Variants in MCM8 observed in about 807,000 individuals in gnomAD.
MCM8 encodes the protein minichromosome maintenance 8 homologous recombination repair factor, also known as DNA helicase MCM8.
A neutral mutation model predicts 98.9 loss-of-function variants in MCM8; 85 were observed. That is an observed-to-expected ratio of 0.86 (90% CI 0.72 to 1.03). The LOEUF (loss-of-function observed/expected upper bound fraction) is 1.03. Ranked by LOEUF, MCM8 falls within the 50% of genes least tolerant of loss-of-function variation. The probability of loss-of-function intolerance (pLI) is 0.00; values close to 1 mark genes in which losing one functional copy is unlikely to be tolerated. For missense variants in MCM8, 951 were observed against 997.8 expected (o/e 0.95, Z 0.63); for synonymous variants, 352 against 338.6 (o/e 1.04, Z -0.44).
chr20:5,972,456 A>G lies in MCM8; in HGVS notation c.1254+419A>G, dbSNP rs184026883. 13 of 256,584 alleles carry G rather than the reference A, an allele frequency of 5.1e-5. No homozygotes were observed. The East Asian group carries it at 1.3e-3, about 25-fold the overall frequency. The allele number at this position is 256,584 out of a possible 1,614,324, so 15.9% of individuals were successfully genotyped here. ...GTCCTGGCCTCAAGTGATCCACCCA[A>G]TTTAGCCTCCAAAGTGCTGGGATTA... On this transcript the variant is annotated intron_variant, in intron 11 of 18. Coordinates refer to ENST00000610722, the MANE Select transcript of MCM8 (RefSeq NM_032485.6).
At position 5,997,415 on chromosome 20, in the gene MCM8, G is replaced by A. The variant is rs1313044633; in HGVS notation, c.*3024G>A. The A allele has an allele frequency of 1.3e-5, 2 of 152,164 alleles. No homozygotes were observed. The highest frequency in any genetic ancestry group is 2.9e-5 in the Non-Finnish European group (2 of 68,070). 9.4% of individuals were successfully genotyped at this position (152,164 alleles called of 1,614,324 possible). ...GGCTGGTTTTTAACTCCCGAACTCAGGTGATTGCCTGCCTCGGTCTCCCAA... is the reference window on the plus strand; with the variant it reads ...GGCTGGTTTTTAACTCCCGAACTCAAGTGATTGCCTGCCTCGGTCTCCCAA... On this transcript the variant is annotated 3_prime_UTR_variant, in exon 19 of 19. Coordinates refer to ENST00000610722, the MANE Select transcript of MCM8 (RefSeq NM_032485.6).
chr20:5,960,646 C>T (rs960994617), intron 7 of MCM8, among the ~76,000 whole-genome samples: 6 of 152,090 alleles, frequency 3.9e-5, no homozygotes, highest in African/African-American at 9.7e-5. Flanking sequence ...CTTAAGAAGC[C>T]GTTCTTCGGC....
chr20:5,952,676 T>A (rs2088865079), intron 3 of MCM8, 148 bp downstream of exon 3: 1 of 699,430 alleles, frequency 1.4e-6, no homozygotes, highest in Non-Finnish European at 2.4e-6. Flanking sequence ...ATGTTTATGT[T>A]TCAAAAGCAT....
chr20:5,981,105 A>C (rs1350023708), intron 13 of MCM8, among the ~76,000 whole-genome samples: 1 of 152,198 alleles, frequency 6.6e-6, no homozygotes, highest in Non-Finnish European at 1.5e-5. Context: ...ATACTTCTGC[A>C]CATTTGCAGA....
intron 7 of MCM8, among the ~76,000 whole-genome samples, chr20:5,959,974 C>T (rs911825863): frequency 6.6e-6 from 1 of 151,798 alleles, no homozygotes; most frequent in African/African-American, 2.4e-5. Context: ...TGGGATTGGC[C>T]GGCTGTACTT....
rs749785208 is a variant in MCM8, at chr20:5,986,015, A to G, written c.2047A>G (p.Thr683Ala). 3 of 1,614,096 alleles carry G rather than the reference A, an allele frequency of 1.9e-6. No individual in the cohort carries two copies. Among genetic ancestry groups the G allele is most frequent in the South Asian group, 1.1e-5 (1 of 91,090 alleles). Residue 683 changes from threonine (T) to alanine (A), a missense_variant, in exon 16 of 19, where the codon ACA (threonine) becomes GCA (alanine). Thr to Ala is a moderately conservative substitution (Grantham distance 58). Coordinates refer to ENST00000610722, the MANE Select transcript of MCM8 (RefSeq NM_032485.6). ...ARQYVYPRLS[T>A]EAARVLQDFY... ...GCAGTATGTGTACCCAAGGCTATCC[A>G]CAGAAGCTGCTCGAGTTCTTCAAGA...
Position 5,979,608 on chromosome 20 carries a change from A to G in MCM8, c.1537+1591A>G, listed in dbSNP as rs1261108311. ...ACGGAGCCATCCTTGACTTTTTCTC[A>G]TACCCCACATTAATCTGTCAGCAAA... On this transcript the variant is annotated intron_variant, in intron 13 of 18. Transcript: ENST00000610722. Among the ~76,000 whole-genome samples, 7 of 152,188 alleles carry G rather than the reference A, an allele frequency of 4.6e-5. No individual in the cohort carries two copies. In the East Asian group the frequency reaches 9.6e-4, roughly 21 times the overall value.
At chr20:5,978,112 AT>A in intron 13 of MCM8, 95 bp downstream of exon 13, 1 of 1,422,244 alleles carries the variant, frequency 7.0e-7, no homozygotes, top group Non-Finnish European at 9.7e-7. Flanking sequence ...TAAGAGAAAC[AT>A]TTAGATAGCA....
At position 5,955,159 on chromosome 20, in the gene MCM8, G is replaced by A; in HGVS notation, c.394G>A (p.Gly132Ser). The change falls in exon 5 of 19, where the codon GGT becomes AGT. Residue 132 changes from glycine to serine, a missense_variant. Physicochemically the swap from Gly to Ser is moderately conservative, Grantham distance 56. Transcript: ENST00000610722. ...LVDFKELTEGGEVTNLIPDIA... is the reference protein window; with the variant it reads ...LVDFKELTEGSEVTNLIPDIA... ...AGATTTTAAAGAACTGACAGAAGGTGGTGAAGTAACTAACTTGATACCAGA... is the reference window on the plus strand; with the variant it reads ...AGATTTTAAAGAACTGACAGAAGGTAGTGAAGTAACTAACTTGATACCAGA... 1 of 1,611,910 alleles carries A rather than the reference G, an allele frequency of 6.2e-7. No homozygotes were observed. The highest frequency in any genetic ancestry group is 2.2e-5 in the East Asian group (1 of 44,842).
intron 13 of MCM8, among the ~76,000 whole-genome samples, chr20:5,980,399 G>C (rs1356729028): frequency 2.0e-5 from 3 of 151,900 alleles, no homozygotes; most frequent in Non-Finnish European, 2.9e-5. Context: ...TCAGTTTATT[G>C]AATTTATAAA....
At position 5,967,369 on chromosome 20, in the gene MCM8, A is replaced by G. The variant is rs2089296798; in HGVS notation, c.876-67A>G. ...TTCCTCAGCATCATGTGAACCCTGA[A>G]TAGTTAATATCTTGCAGAAACCATC... On this transcript the variant is annotated intron_variant, in intron 8 of 18. Transcript: ENST00000610722. 2.1e-6 allele frequency: 3 copies of G among 1,416,510 alleles called. No homozygotes were observed. The African/African-American group carries it at 4.2e-5, about 20-fold the overall frequency. The allele number at this position is 1,416,510 out of a possible 1,614,324, so 87.7% of individuals were successfully genotyped here.
At chr20:5,955,000 A>G in intron 4 of MCM8, 102 bp from the exon 5 acceptor site, 1 of 812,382 alleles carries the variant, frequency 1.2e-6, no homozygotes, top group Non-Finnish European at 1.9e-6. Flanking sequence ...ATTATCACAT[A>G]TAAACATTGT....
At chr20:5,953,199 A>G (rs981756494) in intron 3 of MCM8, among the ~76,000 whole-genome samples, 3 of 152,210 alleles carry the variant, frequency 2.0e-5, no homozygotes, top group African/African-American at 4.8e-5. Flanking sequence ...GGCAGAATTT[A>G]AAGAGAATCT....
chr20:5,964,363 T>A (rs1382233404), intron 8 of MCM8, among the ~76,000 whole-genome samples: 1 of 152,140 alleles, frequency 6.6e-6, no homozygotes, highest in Admixed American at 6.5e-5. Flanking sequence ...CCCTGAAAAA[T>A]TAAGACCAAC....
chr20:5,998,423 T>C lies in MCM8; in HGVS notation c.*4032T>C, dbSNP rs2089984549. 6.6e-6 allele frequency: 1 copy of C among 152,226 alleles called. No homozygotes were observed. Among genetic ancestry groups the C allele is most frequent in the Admixed American group, 6.5e-5 (1 of 15,282 alleles). 9.4% of individuals were successfully genotyped at this position (152,226 alleles called of 1,614,324 possible). A position where few individuals can be genotyped will look rare whatever the true frequency, so the allele number is the denominator to read the frequency against. On this transcript the variant is annotated 3_prime_UTR_variant, in exon 19 of 19. Coordinates refer to ENST00000610722, the MANE Select transcript of MCM8 (RefSeq NM_032485.6). ...CTTGCTTGTGTTCTGGTGGCATGTGTGGTTGAGGAGACATTTAATTTCCCT... is the reference window on the plus strand; with the variant it reads ...CTTGCTTGTGTTCTGGTGGCATGTGCGGTTGAGGAGACATTTAATTTCCCT...
At position 5,995,237 on chromosome 20, in the gene MCM8, C is replaced by T. The variant is rs1449219266; in HGVS notation, c.*846C>T. 1 of 152,392 alleles carries T rather than the reference C, an allele frequency of 6.6e-6. No individual in the cohort carries two copies. The highest frequency in any genetic ancestry group is 1.5e-5 in the Non-Finnish European group (1 of 68,202). The allele number at this position is 152,392 out of a possible 1,614,324, so 9.4% of individuals were successfully genotyped here. Reference sequence around the variant, plus strand: ...TTAATAATAGGTCTCATTTATTCCACAGGCTGTAGTTTGTAGTCTTGCTTG... The same window carrying T: ...TTAATAATAGGTCTCATTTATTCCATAGGCTGTAGTTTGTAGTCTTGCTTG... On this transcript the variant is annotated 3_prime_UTR_variant, in exon 19 of 19. Coordinates refer to ENST00000610722, the MANE Select transcript of MCM8 (RefSeq NM_032485.6).
chr20:5,979,708 T>C (rs73894101), intron 13 of MCM8, among the ~76,000 whole-genome samples: 1,719 of 152,324 alleles, frequency 0.011, 32 homozygotes, highest in African/African-American at 0.037. Flanking sequence ...GGCACCATCA[T>C]GTCTCACATG....
chr20:5,952,456 A>T lies in MCM8; in HGVS notation c.181A>T (p.Thr61Ser). The change falls in exon 3 of 19, where the codon ACC becomes TCC. Residue 61 changes from threonine (T) to serine (S), a missense_variant. Thr to Ser is a moderately conservative substitution (Grantham distance 58). Coordinates refer to ENST00000610722, the MANE Select transcript of MCM8 (RefSeq NM_032485.6). ...QTPQFLLSTKTPQSMQSTLDR... is the reference protein window; with the variant it reads ...QTPQFLLSTKSPQSMQSTLDR... ...CCCACAGTTTTTGCTTTCAACAAAG[A>T]CCCCACAGTCAATGCAGTCAACATT... is the stretch of plus-strand genomic sequence containing the variant. The T allele has an allele frequency of 6.2e-7, 1 of 1,614,004 alleles. No individual in the cohort carries two copies. Among genetic ancestry groups the T allele is most frequent in the Non-Finnish European group, 8.5e-7 (1 of 1,179,992 alleles).
intron 11 of MCM8, 54 bp from the exon 12 acceptor site, chr20:5,973,002 A>G: frequency 6.3e-7 from 1 of 1,587,474 alleles, no homozygotes; most frequent in Non-Finnish European, 8.6e-7. Context: ...CCCCTTTACT[A>G]GTCACCTTTA....
Sources: allele counts gnomAD v4.1 joint callset (sites outside exome capture counted in the v4.1 genomes callset), GRCh38; gene constraint gnomAD v4.1.1; transcripts MANE v1.5; gene names NCBI Gene and HGNC (gene_info 2026-07-23, HGNC 2026-07-21).